OR10J1: variants seen among roughly 807,000 people sequenced by gnomAD.
OR10J1 encodes olfactory receptor family 10 subfamily J member 1.
For synonymous variants in OR10J1, 202 were observed against 143.8 expected, an observed-to-expected ratio of 1.40 and a Z score of -2.89; for missense variants, 474 against 376.6, an observed-to-expected ratio of 1.26 and a Z score of -2.14.
the OR10J1 span, among the ~76,000 whole-genome samples, chr1:159,403,432 A>T: frequency 1.3e-5 from 2 of 152,108 alleles, no homozygotes; most frequent in African/African-American, 4.8e-5. Context: ...CAATCTAATA[A>T]TCTGATCAAA....
chr1:159,421,611 G>A, the OR10J1 span, among the ~76,000 whole-genome samples: 71,395 of 152,038 alleles, frequency 0.47, 20,066 homozygotes, highest in Middle Eastern at 0.64. Context: ...GGCTTGGATC[G>A]TGGGTGCATA....
At chr1:159,416,699 C>T in the OR10J1 span, among the ~76,000 whole-genome samples, 1 of 151,972 alleles carries the variant, frequency 6.6e-6, no homozygotes, top group Non-Finnish European at 1.5e-5. Context: ...TTCAGTGAAG[C>T]CATCCAATTC....
At chr1:159,398,205 C>T in the OR10J1 span, among the ~76,000 whole-genome samples, 1 of 152,056 alleles carries the variant, frequency 6.6e-6, no homozygotes, top group Non-Finnish European at 1.5e-5. Context: ...TTAGGGTGAC[C>T]CCTAAAGCAG....
the OR10J1 span, chr1:159,432,297 T>A: frequency 1.0e-5 from 4 of 401,130 alleles, no homozygotes; most frequent in African/African-American, 6.2e-5. Flanking sequence ...CTTTGTGATC[T>A]TTTTGGTCTT....
the OR10J1 span, among the ~76,000 whole-genome samples, chr1:159,422,350 C>T: frequency 1.3e-5 from 2 of 152,160 alleles, no homozygotes; most frequent in South Asian, 2.1e-4. Context: ...GAGTTGCTTT[C>T]AGTGGAAGCA....
the OR10J1 span, among the ~76,000 whole-genome samples, chr1:159,400,618 A>C: frequency 6.6e-6 from 1 of 151,148 alleles, no homozygotes; most frequent in South Asian, 2.1e-4. Context: ...AAGATATATA[A>C]AGAAAATACT....
At chr1:159,410,791 AG>A in the OR10J1 span, among the ~76,000 whole-genome samples, 1 of 149,978 alleles carries the variant, frequency 6.7e-6, no homozygotes, top group Non-Finnish European at 1.5e-5. Context: ...TTGTGATGTT[AG>A]GGTGTCAATT....
At position 159,440,939 on chromosome 1, in the gene OR10J1, G is replaced by T; in HGVS notation, c.*218G>T. 4.2e-6 allele frequency: 2 copies of T among 481,432 alleles called. No homozygotes were observed. Among genetic ancestry groups the T allele is most frequent in the African/African-American group, 1.9e-5 (1 of 51,932 alleles). 29.8% of individuals were successfully genotyped at this position (481,432 alleles called of 1,614,324 possible). Reference sequence around the variant, plus strand: ...GGGATAAATAGACAAACAAGGATAAGATATGCCTAAATAAAAGGCCAGAAA... The same window carrying T: ...GGGATAAATAGACAAACAAGGATAATATATGCCTAAATAAAAGGCCAGAAA... On this transcript the variant is annotated 3_prime_UTR_variant, in exon 1 of 1. Coordinates refer to ENST00000423932, the MANE Select transcript of OR10J1 (RefSeq NM_012351.3).
the OR10J1 span, among the ~76,000 whole-genome samples, chr1:159,414,252 A>G: frequency 6.6e-6 from 1 of 151,992 alleles, no homozygotes; most frequent in Non-Finnish European, 1.5e-5. Flanking sequence ...CCTCCTACCC[A>G]CACACCATTC....
chr1:159,436,031 G>C (rs1167843241), upstream of OR10J1, among the ~76,000 whole-genome samples: 1 of 152,170 alleles, frequency 6.6e-6, no homozygotes, highest in Non-Finnish European at 1.5e-5. Flanking sequence ...ATCTGTGAAA[G>C]TGTTTGATAA....
At chr1:159,413,798 C>T in the OR10J1 span, among the ~76,000 whole-genome samples, 1 of 150,774 alleles carries the variant, frequency 6.6e-6, no homozygotes, top group Non-Finnish European at 1.5e-5. Context: ...ATGTAACTAA[C>T]CTGCACATTG....
At chr1:159,401,015 A>G in the OR10J1 span, among the ~76,000 whole-genome samples, 5 of 152,010 alleles carry the variant, frequency 3.3e-5, no homozygotes, top group African/African-American at 1.2e-4. Flanking sequence ...TTCCTGAATG[A>G]CCAGTGGGTC....
chr1:159,403,601 A>C, the OR10J1 span, among the ~76,000 whole-genome samples: 1 of 152,212 alleles, frequency 6.6e-6, no homozygotes, highest in Admixed American at 6.6e-5. Context: ...TATATCCAAA[A>C]GACAAGACAA....
the OR10J1 span, among the ~76,000 whole-genome samples, chr1:159,420,301 G>A: frequency 0.021 from 3,259 of 152,232 alleles, 38 homozygotes; most frequent in Middle Eastern, 0.078. Flanking sequence ...TAAGTGGGAA[G>A]TTCAATGTAT....
the OR10J1 span, among the ~76,000 whole-genome samples, chr1:159,401,865 AATCCAACAATACATTGGAAAGATCATTT>A: frequency 2.0e-5 from 3 of 152,102 alleles, no homozygotes; most frequent in Non-Finnish European, 2.9e-5. Context: ...TAGCAAACAG[AATCCAACAATACATTGGAAAGATCATTT>A]ATCATGACCA....
chr1:159,408,514 T>C, the OR10J1 span, among the ~76,000 whole-genome samples: 746 of 151,304 alleles, frequency 4.9e-3, 19 homozygotes, highest in East Asian at 0.061. Flanking sequence ...TACCTAATGC[T>C]AGATGACGAG....
the OR10J1 span, among the ~76,000 whole-genome samples, chr1:159,427,078 T>C: frequency 6.6e-6 from 1 of 151,806 alleles, no homozygotes; most frequent in Non-Finnish European, 1.5e-5. Context: ...TTAAGCTTTT[T>C]CTCTTAACAT....
At chr1:159,417,770 G>A in the OR10J1 span, among the ~76,000 whole-genome samples, 5 of 152,210 alleles carry the variant, frequency 3.3e-5, no homozygotes, top group Non-Finnish European at 7.3e-5. Flanking sequence ...GAACAGTTTG[G>A]AGGGCTTAGA....
At chr1:159,434,408 G>A (rs1239202367), upstream of OR10J1, among the ~76,000 whole-genome samples, 2 of 152,136 alleles carry the variant, frequency 1.3e-5, no homozygotes, top group South Asian at 2.1e-4. Context: ...TGGAAGTTTA[G>A]GAATAGTGTA....
Sources: gnomAD v4.1 joint callset for allele counts (sites outside exome capture counted in the v4.1 genomes callset) on GRCh38, gnomAD v4.1.1 for gene constraint, MANE v1.5 for transcripts, NCBI Gene and HGNC (gene_info 2026-07-23, HGNC 2026-07-21) for gene names.